The following SLC14A2 variants were observed in gnomAD, a reference collection of about 807,000 sequenced individuals.
SLC14A2 encodes solute carrier family 14 member 2, also known as urea transporter 2.
Under a neutral mutation model 104.6 loss-of-function variants are expected in SLC14A2, and 91 were observed. The ratio of observed to expected loss-of-function variants is 0.87; its 90% CI spans 0.73 to 1.04. SLC14A2 has a LOEUF of 1.04. Among genes scored for constraint, SLC14A2 ranks in the 50% least tolerant of loss-of-function variants. The probability of loss-of-function intolerance (pLI) is 0.00; values close to 1 mark genes in which losing one functional copy is unlikely to be tolerated. For synonymous variants in SLC14A2, 476 were observed against 466.4 expected, an observed-to-expected ratio of 1.02 and a Z score of -0.27; for missense variants, 1,189 against 1,156.0, an observed-to-expected ratio of 1.03 and a Z score of -0.41.
chr18:45,567,926 C>G (rs1047038343), intron 2 of SLC14A2, among the ~76,000 whole-genome samples: 1 of 152,194 alleles, frequency 6.6e-6, no homozygotes, highest in Non-Finnish European at 1.5e-5. Context: ...TCCCTCACAA[C>G]CTGTTCTACA....
intron 1 of SLC14A2, among the ~76,000 whole-genome samples, chr18:45,329,724 A>G (rs543935758): frequency 5.3e-5 from 8 of 152,294 alleles, no homozygotes; most frequent in South Asian, 4.1e-4. Flanking sequence ...TGTAACTCCC[A>G]CAGTGCCCAG....
chr18:45,567,066 G>GTT (rs1356989139), intron 2 of SLC14A2, among the ~76,000 whole-genome samples: 1 of 126,080 alleles, frequency 7.9e-6, no homozygotes, highest in Non-Finnish European at 1.5e-5. Context: ...GTGTGTGTGT[G>GTT]TGTGTGTGTG....
chr18:45,432,557 T>A (rs1296338826), intron 1 of SLC14A2, among the ~76,000 whole-genome samples: 5 of 152,120 alleles, frequency 3.3e-5, no homozygotes, highest in African/African-American at 1.2e-4. Flanking sequence ...CAGAGTGATC[T>A]AGGGGAGACA....
rs138097851 is a variant in SLC14A2 at position 45,339,569 on chromosome 18, AAC to A, written c.-125+126394_-125+126395del. On this transcript the variant is annotated intron_variant, in intron 1 of 20. Transcript: ENST00000586448. ...ATTAAAATGAACACACACACACACA[AAC>A]ACACACACACACACATTCATTATGC... Among the ~76,000 whole-genome samples, 216 of 151,032 alleles carry A rather than the reference AAC, an allele frequency of 1.4e-3. 1 individual carries two copies. In the East Asian group the frequency reaches 0.027, roughly 19 times the overall value.
At chr18:45,529,497 A>G (rs964541183) in intron 2 of SLC14A2, 1 of 151,636 alleles carries the variant, frequency 6.6e-6, no homozygotes, top group African/African-American at 2.4e-5. Context: ...GCACTGTCCT[A>G]TTAAAGATCT....
chr18:45,498,836 T>C (rs1304058237), intron 2 of SLC14A2, among the ~76,000 whole-genome samples: 1 of 152,236 alleles, frequency 6.6e-6, no homozygotes, highest in African/African-American at 2.4e-5. Context: ...AAGAAAGGTT[T>C]CTGCACTCAC....
the SLC14A2 span, among the ~76,000 whole-genome samples, chr18:45,192,265 C>A: frequency 1.3e-5 from 2 of 152,252 alleles, no homozygotes; most frequent in Non-Finnish European, 2.9e-5. Context: ...TTATGGAAGC[C>A]TAATTGACAT....
intron 1 of SLC14A2, among the ~76,000 whole-genome samples, chr18:45,365,993 C>CA (rs527561100): frequency 4.7e-3 from 518 of 110,896 alleles, no homozygotes; most frequent in African/African-American, 9.0e-3. Context: ...GCAAAAGGAC[C>CA]AAAAAAAAAA....
intron 1 of SLC14A2, among the ~76,000 whole-genome samples, chr18:45,474,248 G>A (rs113591521): frequency 1.0e-3 from 157 of 152,262 alleles, no homozygotes; most frequent in African/African-American, 3.6e-3. Context: ...TGGCGGATAA[G>A]CTTTTTGATG....
At chr18:45,292,077 T>C (rs2084875444) in intron 1 of SLC14A2, among the ~76,000 whole-genome samples, 1 of 152,158 alleles carries the variant, frequency 6.6e-6, no homozygotes, top group Non-Finnish European at 1.5e-5. Context: ...TTTTCCTCCA[T>C]ATAATGGCAC....
chr18:45,497,948 G>GC (rs1008855080), intron 2 of SLC14A2, among the ~76,000 whole-genome samples: 3 of 152,164 alleles, frequency 2.0e-5, no homozygotes, highest in African/African-American at 7.2e-5. Flanking sequence ...CAGGAGGAGA[G>GC]CAAGGGGAAA....
At chr18:45,502,691 A>G (rs567366551) in intron 2 of SLC14A2, among the ~76,000 whole-genome samples, 17 of 152,226 alleles carry the variant, frequency 1.1e-4, no homozygotes, top group Non-Finnish European at 2.2e-4. Context: ...TCCAAGAAAC[A>G]TTCTGTGACA....
chr18:45,637,187 G>C lies in SLC14A2; in HGVS notation c.843+5G>C, dbSNP rs757019581. On this transcript the variant is annotated splice_donor_5th_base_variant and intron_variant, in intron 6 of 19. Coordinates refer to ENST00000255226, the MANE Select transcript of SLC14A2 (RefSeq NM_007163.4). ...ACAGAGATGGAAATGCCCCTGGTAA[G>C]TTACCCAGCGGTGATGAGTTGAGAC... 2.5e-6 allele frequency: 4 copies of C among 1,612,946 alleles called. No homozygotes were observed. The highest frequency in any genetic ancestry group is 3.4e-6 in the Non-Finnish European group (4 of 1,179,196).
intron 1 of SLC14A2, among the ~76,000 whole-genome samples, chr18:45,313,994 C>T (rs1188173093): frequency 6.6e-6 from 1 of 152,160 alleles, no homozygotes; most frequent in African/African-American, 2.4e-5. Context: ...GTCATGGATG[C>T]CCATCCGTGC....
At chr18:45,600,898 CA>C in intron 2 of SLC14A2, among the ~76,000 whole-genome samples, 1 of 152,186 alleles carries the variant, frequency 6.6e-6, no homozygotes, top group Admixed American at 6.5e-5. Context: ...ATGCAAATTG[CA>C]CTTGTTGCAG....
intron 2 of SLC14A2, among the ~76,000 whole-genome samples, chr18:45,526,688 A>C (rs1219709309): frequency 6.6e-6 from 1 of 152,116 alleles, no homozygotes; most frequent in East Asian, 1.9e-4. Flanking sequence ...GATGGGTAGA[A>C]TTCTGACTTA....
In SLC14A2 at chr18:45,285,442, G is replaced by A. The variant is rs758780207; in HGVS notation, c.-125+72251G>A. Among the ~76,000 whole-genome samples, 198 of 151,896 alleles carry A rather than the reference G, an allele frequency of 1.3e-3. 2 individuals carry two copies. Among genetic ancestry groups the A allele is most frequent in the African/African-American group, 4.5e-3 (187 of 41,460 alleles). ...ACAGATTAAATTTTTTTTTTGAGAC[G>A]GAGTCTCATCTGTCGCCTAGTCTGG... On this transcript the variant is annotated intron_variant, in intron 1 of 20. Coordinates refer to the SLC14A2 transcript ENST00000586448.
chr18:45,347,156 G>C (rs1286545389), intron 1 of SLC14A2, among the ~76,000 whole-genome samples: 1 of 151,888 alleles, frequency 6.6e-6, no homozygotes, highest in East Asian at 1.9e-4. Flanking sequence ...AGGAGTTCGA[G>C]ACCAACCTGG....
chr18:45,608,150 T>G (rs1023827230), intron 2 of SLC14A2, among the ~76,000 whole-genome samples: 2 of 152,234 alleles, frequency 1.3e-5, no homozygotes, highest in African/African-American at 4.8e-5. Flanking sequence ...CACCAAATGC[T>G]TTTGAATGAA....
Sources: allele counts gnomAD v4.1 joint callset (sites outside exome capture counted in the v4.1 genomes callset), GRCh38; gene constraint gnomAD v4.1.1; transcripts MANE v1.5; gene names NCBI Gene and HGNC (gene_info 2026-07-23, HGNC 2026-07-21).